Variants in LTBP1 observed in about 807,000 individuals in gnomAD.
LTBP1 encodes the protein latent-transforming growth factor beta-binding protein 1.
A neutral mutation model predicts 207.6 loss-of-function variants in LTBP1; 129 were observed. The observed-to-expected ratio is 0.62, with a 90% CI of 0.54 to 0.72. The LOEUF (loss-of-function observed/expected upper bound fraction) is 0.72. LTBP1 is among the 30% of genes least tolerant of loss of function. The probability of loss-of-function intolerance (pLI) is 0.00; values close to 1 mark genes in which losing one functional copy is unlikely to be tolerated. For synonymous variants in LTBP1, 963 were observed against 833.7 expected (o/e 1.16, Z -2.67); for missense variants, 2,281 against 2,217.2 (o/e 1.03, Z -0.58).
Position 32,947,115 on chromosome 2 carries a change from T to A in LTBP1, c.-210T>A, listed in dbSNP as rs1676290362. ...CTCCGCGCTCCCCACCCCCACGCCC[T>A]CCTCCTGCTCCCAGCCACAATCGGC... On this transcript the variant is annotated 5_prime_UTR_variant, in exon 1 of 34. Transcript: ENST00000404816. 2 of 336,518 alleles carry A rather than the reference T, an allele frequency of 5.9e-6. No individual in the cohort carries two copies. 20.8% of individuals were successfully genotyped at this position (336,518 alleles called of 1,614,324 possible).
At chr2:33,312,425 C>A (rs1348248617) in intron 23 of LTBP1, among the ~76,000 whole-genome samples, 1 of 152,116 alleles carries the variant, frequency 6.6e-6, no homozygotes, top group Non-Finnish European at 1.5e-5. Context: ...TGTTAATAGT[C>A]TCTTTAGAAA....
intron 31 of LTBP1, among the ~76,000 whole-genome samples, chr2:33,388,202 G>A (rs2095284345): frequency 6.6e-6 from 1 of 152,202 alleles, no homozygotes; most frequent in East Asian, 1.9e-4. Flanking sequence ...GCACTGGTGG[G>A]TCCTTGGGGG....
intron 10 of LTBP1, among the ~76,000 whole-genome samples, chr2:33,245,300 G>A (rs139102580): frequency 1.3e-3 from 195 of 152,252 alleles, no homozygotes; most frequent in African/African-American, 4.4e-3. Context: ...CATTTTTAAC[G>A]AAGCTTATCT....
intron 2 of LTBP1, among the ~76,000 whole-genome samples, chr2:32,958,258 G>A (rs1678420190): frequency 2.0e-5 from 3 of 152,162 alleles, no homozygotes; most frequent in Non-Finnish European, 4.4e-5. Flanking sequence ...TTGCTACGGG[G>A]CTGCATTAGG....
At chr2:33,350,019 A>C (rs2094759026) in intron 26 of LTBP1, among the ~76,000 whole-genome samples, 1 of 152,234 alleles carries the variant, frequency 6.6e-6, no homozygotes, top group Non-Finnish European at 1.5e-5. Flanking sequence ...CAAGTTGGTT[A>C]AATGTAGGCC....
chr2:33,172,266 G>A (rs372654082), intron 5 of LTBP1, among the ~76,000 whole-genome samples: 12 of 152,192 alleles, frequency 7.9e-5, no homozygotes, highest in East Asian at 5.8e-4. Context: ...CCCATCTCAC[G>A]TGCAGAGACA....
At chr2:32,957,571 T>C (rs1678290202) in intron 2 of LTBP1, among the ~76,000 whole-genome samples, 1 of 152,054 alleles carries the variant, frequency 6.6e-6, no homozygotes, top group Non-Finnish European at 1.5e-5. Flanking sequence ...CCCAAAACAA[T>C]TACAATGGTA....
intron 2 of LTBP1, among the ~76,000 whole-genome samples, chr2:32,963,562 A>T (rs779113744): frequency 6.6e-6 from 1 of 152,180 alleles, no homozygotes; most frequent in South Asian, 2.1e-4. Context: ...AGGAGTGGCA[A>T]AGAAACCAGT....
intron 20 of LTBP1, among the ~76,000 whole-genome samples, chr2:33,298,957 T>C (rs2093932340): frequency 1.3e-5 from 2 of 152,198 alleles, no homozygotes; most frequent in Admixed American, 1.3e-4. Context: ...ATTTTAAAAG[T>C]TAATGCCCCA....
intron 4 of LTBP1, among the ~76,000 whole-genome samples, chr2:33,126,647 T>C (rs2150471050): frequency 1.3e-5 from 2 of 152,338 alleles, no homozygotes; most frequent in Middle Eastern, 3.4e-3. Context: ...TTCAATTTTA[T>C]TTATCACATA....
intron 3 of LTBP1, among the ~76,000 whole-genome samples, chr2:33,088,768 A>G (rs749724676): frequency 2.6e-5 from 4 of 152,336 alleles, no homozygotes; most frequent in Non-Finnish European, 4.4e-5. Context: ...CTAAAATTCA[A>G]AAATTGGGGA....
At chr2:32,963,210 T>C (rs1397401145) in intron 2 of LTBP1, among the ~76,000 whole-genome samples, 1 of 152,180 alleles carries the variant, frequency 6.6e-6, no homozygotes, top group African/African-American at 2.4e-5. Flanking sequence ...CTGTTATTAT[T>C]AATTGTTATT....
chr2:33,201,791 C>A (rs951302527), intron 7 of LTBP1, among the ~76,000 whole-genome samples: 1 of 151,828 alleles, frequency 6.6e-6, no homozygotes, highest in African/African-American at 2.4e-5. Flanking sequence ...CTCTTTTTTC[C>A]TTTAATTATT....
chr2:33,085,977 T>C (rs138103097), intron 3 of LTBP1, among the ~76,000 whole-genome samples: 2 of 152,342 alleles, frequency 1.3e-5, no homozygotes, highest in Non-Finnish European at 2.9e-5. Flanking sequence ...ACCATGCAGA[T>C]GGTCCATCTT....
At chr2:33,026,965 C>G (rs1027533014) in intron 3 of LTBP1, among the ~76,000 whole-genome samples, 3 of 152,222 alleles carry the variant, frequency 2.0e-5, no homozygotes, top group African/African-American at 7.2e-5. Flanking sequence ...GGGAGCTACT[C>G]TCTTAACTTC....
At chr2:33,052,726 G>A (rs2076805903) in intron 3 of LTBP1, among the ~76,000 whole-genome samples, 2 of 152,094 alleles carry the variant, frequency 1.3e-5, no homozygotes, top group Non-Finnish European at 2.9e-5. Context: ...TTTCACCCTT[G>A]TATTTATTTA....
At chr2:33,036,741 AG>A (rs1433211577) in intron 3 of LTBP1, among the ~76,000 whole-genome samples, 3 of 152,216 alleles carry the variant, frequency 2.0e-5, no homozygotes, top group African/African-American at 7.2e-5. Flanking sequence ...TACAGGCGTG[AG>A]ACACTGTGCC....
rs757645250 is a variant in LTBP1, at chr2:33,363,374, A to G, written c.4271-16A>G. On this transcript the variant is annotated splice_polypyrimidine_tract_variant and intron_variant, in intron 28 of 33. Coordinates refer to ENST00000404816, the MANE Select transcript of LTBP1 (RefSeq NM_206943.4). ...ACCTAACTCCTTTTTGTATTTCTCA[A>G]TTTTTTTCCCCGTAGATGCAGATGA... 6.8e-5 allele frequency: 110 copies of G among 1,612,386 alleles called. No individual in the cohort carries two copies. Among genetic ancestry groups the G allele is most frequent in the Non-Finnish European group, 8.8e-5 (104 of 1,179,128 alleles).
At chr2:33,186,736 A>G (rs62146702) in intron 5 of LTBP1, 120 bp from the exon 6 acceptor site, 13,281 of 708,626 alleles carry the variant, frequency 0.019, 158 homozygotes, top group Non-Finnish European at 0.024. Context: ...TACCATTTCT[A>G]AAGGTCATGG....
Sources: gnomAD v4.1 joint callset for allele counts (sites outside exome capture counted in the v4.1 genomes callset) on GRCh38, gnomAD v4.1.1 for gene constraint, MANE v1.5 for transcripts, NCBI Gene and HGNC (gene_info 2026-07-23, HGNC 2026-07-21) for gene names.